GYS1: variants seen among roughly 807,000 people sequenced by gnomAD.
The protein encoded by GYS1 is glycogen [starch] synthase, muscle.
In GYS1, 60 loss-of-function variants were observed where a neutral mutation model predicts 89.1. That is an observed-to-expected ratio of 0.67 (90% CI 0.55 to 0.84). The LOEUF (loss-of-function observed/expected upper bound fraction) is 0.84, where lower values mean the gene tolerates loss of function less well. GYS1 is among the 40% of genes least tolerant of loss of function. The probability of loss-of-function intolerance (pLI) is 0.00; values close to 1 mark genes in which losing one functional copy is unlikely to be tolerated. For synonymous variants in GYS1, 366 were observed against 401.7 expected (o/e 0.91, Z 1.06); for missense variants, 888 against 1,003.1 (o/e 0.89, Z 1.55).
In GYS1 at chr19:48,982,390, A is replaced by T; in HGVS notation, c.942-15T>A. ...AGTCCAGATGCCTAAAGAACCCACA[A>T]GGCACGGTAAAGCCCAAAGCCCTCA... On this transcript the variant is annotated splice_polypyrimidine_tract_variant and intron_variant, in intron 6 of 15. Transcript: ENST00000323798. 6.2e-7 allele frequency: 1 copy of T among 1,613,678 alleles called. No homozygotes were observed. The highest frequency in any genetic ancestry group is 8.5e-7 in the Non-Finnish European group (1 of 1,179,788).
chr19:48,985,351 G>T, intron 5 of GYS1, 110 bp downstream of exon 5: 2 of 1,146,668 alleles, frequency 1.7e-6, no homozygotes, highest in Non-Finnish European at 1.3e-6. Context: ...TACGTTTTCG[G>T]TTTATGCTAT....
chr19:48,974,159 G>A lies in GYS1; in HGVS notation c.1549+54C>T. On this transcript the variant is annotated intron_variant, in intron 12 of 15. Coordinates refer to ENST00000323798, the MANE Select transcript of GYS1 (RefSeq NM_002103.5). The stretch of plus-strand genomic sequence containing the variant: ...AGGCCAGTGCCTCGCCCCAAGACAT[G>A]CTAGCTCTGACTAGGATGCCATGAC... 2 of 1,546,554 alleles carry A rather than the reference G, an allele frequency of 1.3e-6. 1 individual carries two copies. The highest frequency in any genetic ancestry group is 4.8e-5 in the East Asian group (2 of 41,402).
Position 48,987,418 on chromosome 19 carries a change from G to A in GYS1, c.301-33C>T, listed in dbSNP as rs572326569. 86 of 1,516,200 alleles carry A rather than the reference G, an allele frequency of 5.7e-5. No homozygotes were observed. In the South Asian group the frequency reaches 6.5e-4, roughly 12 times the overall value. The allele number at this position is 1,516,200 out of a possible 1,614,324, so 93.9% of individuals were successfully genotyped here. A position where few individuals can be genotyped will look rare whatever the true frequency, so the allele number is the denominator to read the frequency against. On this transcript the variant is annotated intron_variant, in intron 2 of 15. Coordinates refer to ENST00000323798, the MANE Select transcript of GYS1 (RefSeq NM_002103.5). ...GGGGTTGGGGAGGCACCATAGGGAG[G>A]CTCTGGGCTTCAGCCTCATATCTTC...
intron 10 of GYS1, among the ~76,000 whole-genome samples, chr19:48,977,121 G>T (rs2122488085): frequency 6.6e-6 from 1 of 151,892 alleles, no homozygotes; most frequent in African/African-American, 2.4e-5. Context: ...TGGGTGGGGG[G>T]CTAGTGTGGG....
intron 8 of GYS1, among the ~76,000 whole-genome samples, chr19:48,979,843 C>T (rs1165635018): frequency 1.3e-5 from 2 of 151,606 alleles, no homozygotes. Context: ...GACGGGGTTT[C>T]ACCATGTTGG....
rs2038933568 is a variant in GYS1 at position 48,991,758 on chromosome 19, A to G, written c.119-275T>C. Reference sequence around the variant, plus strand: ...GGCTCAGGCTAGACTTCTGGGTCTGAGAGAGAAGGGGCTGGGTGCCGGGAC... The same window carrying G: ...GGCTCAGGCTAGACTTCTGGGTCTGGGAGAGAAGGGGCTGGGTGCCGGGAC... On this transcript the variant is annotated intron_variant, in intron 1 of 15. Coordinates refer to ENST00000323798, the MANE Select transcript of GYS1 (RefSeq NM_002103.5). The surrounding 1 kb of genome is among the most constrained non-coding windows in gnomAD (Gnocchi z 4.7). 6.6e-6 allele frequency among the ~76,000 whole-genome samples: 1 copy of G among 152,018 alleles called. No homozygotes were observed. Among genetic ancestry groups the G allele is most frequent in the African/African-American group, 2.4e-5 (1 of 41,370 alleles).
At position 48,991,665 on chromosome 19, in the gene GYS1, G is replaced by A; in HGVS notation, c.119-182C>T. 3 of 640,896 alleles carry A rather than the reference G, an allele frequency of 4.7e-6. No homozygotes were observed. Among genetic ancestry groups the A allele is most frequent in the Non-Finnish European group, 8.2e-6 (3 of 366,820 alleles). The allele number at this position is 640,896 out of a possible 1,614,324, so 39.7% of individuals were successfully genotyped here. Reference sequence around the variant, plus strand: ...GAAGCTTGGATGAGGGGAACACGAGGGCTGGAGGGCAGTCCTCCTGGGTCT... The same window carrying A: ...GAAGCTTGGATGAGGGGAACACGAGAGCTGGAGGGCAGTCCTCCTGGGTCT... On this transcript the variant is annotated intron_variant, in intron 1 of 15. Transcript: ENST00000323798. This position sits in a 1 kb window ranked among gnomAD's most constrained non-coding sequence, Gnocchi z 4.7.
chr19:48,974,520 T>C, intron 11 of GYS1, 100 bp downstream of exon 11: 1 of 1,029,880 alleles, frequency 9.7e-7, no homozygotes, highest in Non-Finnish European at 1.5e-6. Flanking sequence ...ACCACAGCAA[T>C]ACCTTTGATA....
Position 48,981,512 on chromosome 19 carries a change from G to A in GYS1, c.1169+18C>T, listed in dbSNP as rs745793191. 17 of 1,426,448 alleles carry A rather than the reference G, an allele frequency of 1.2e-5. No individual in the cohort carries two copies. The highest frequency in any genetic ancestry group is 8.4e-5 in the African/African-American group (6 of 71,468). 88.4% of individuals were successfully genotyped at this position (1,426,448 alleles called of 1,614,324 possible). On this transcript the variant is annotated intron_variant, in intron 8 of 15. Transcript: ENST00000323798. Reference sequence around the variant, plus strand: ...CTGGGAGTGGGCTGCGCCAGGGGCCGGAGCGAGGGCTGCTAACCAAAGCTG... The same window carrying A: ...CTGGGAGTGGGCTGCGCCAGGGGCCAGAGCGAGGGCTGCTAACCAAAGCTG...
chr19:48,992,865 C>T, intron 1 of GYS1, 130 bp downstream of exon 1: 1 of 707,966 alleles, frequency 1.4e-6, no homozygotes, highest in African/African-American at 1.8e-5. Context: ...AGCCCCTCCT[C>T]AAGGACACAG....
intron 10 of GYS1, among the ~76,000 whole-genome samples, 168 bp downstream of exon 10, chr19:48,977,756 G>A (rs1398321268): frequency 6.6e-6 from 1 of 152,018 alleles, no homozygotes; most frequent in East Asian, 1.9e-4. Context: ...AACTGAAGTT[G>A]CACGAGTCAG....
rs886054564 is a variant in GYS1 at position 48,968,244 on chromosome 19, A to G, written c.*1044T>C. 6.6e-6 allele frequency: 3 copies of G among 454,102 alleles called. No individual in the cohort carries two copies. Among genetic ancestry groups the G allele is most frequent in the African/African-American group, 6.0e-5 (3 of 49,974 alleles). 28.1% of individuals were successfully genotyped at this position (454,102 alleles called of 1,614,324 possible). ...GCGGTGCAGACACAGCACAGCACAC[A>G]TGAGGGGCCCTCCCTTTCACCAAAG... On this transcript the variant is annotated 3_prime_UTR_variant, in exon 16 of 16. Transcript: ENST00000323798.
Position 48,977,945 on chromosome 19 carries a change from C to T in GYS1, c.1287G>A (p.Lys429=), listed in dbSNP as rs374232414. The change falls in exon 10 of 16, where the codon AAG becomes AAA. Residue 429 remains lysine, a synonymous_variant. Transcript: ENST00000323798. ...MLDKEDFTMM[K]RAIFATQRQS... is the part of the protein sequence containing the mutation. ...ATACCTGCGTTGCAAAGATGGCTCT[C>T]TTCATCATAGTGAAGTCTTCCTTAT... 2.5e-6 allele frequency: 4 copies of T among 1,613,870 alleles called. No homozygotes were observed. In the African/African-American group the frequency reaches 5.3e-5, roughly 22 times the overall value.
At chr19:48,981,698 C>A in intron 7 of GYS1, 62 bp from the exon 8 acceptor site, 1 of 1,074,652 alleles carries the variant, frequency 9.3e-7, no homozygotes. Flanking sequence ...AACCAGCCAG[C>A]CTTTCTGTCA....
intron 7 of GYS1, 36 bp downstream of exon 7, chr19:48,982,219 C>A: frequency 6.2e-7 from 1 of 1,609,866 alleles, no homozygotes; most frequent in Non-Finnish European, 8.5e-7. Flanking sequence ...AACTGCTTTG[C>A]TTGCCCTCCC....
chr19:48,989,481 G>GGA (rs1555800044), intron 2 of GYS1, among the ~76,000 whole-genome samples: 25 of 127,874 alleles, frequency 2.0e-4, no homozygotes, highest in African/African-American at 5.6e-4. Flanking sequence ...GATTCTATCT[G>GGA]AAAAAAAAAA....
Position 48,969,473 on chromosome 19 carries a change from CAT to C in GYS1, c.2027_2028del (p.Asp676GlyfsTer61), listed in dbSNP as rs2038518269. 5 of 1,545,132 alleles carry C rather than the reference CAT, an allele frequency of 3.2e-6. No individual in the cohort carries two copies. The highest frequency in any genetic ancestry group is 3.5e-6 in the Non-Finnish European group (4 of 1,146,912). On this transcript the variant is annotated frameshift_variant, in exon 16 of 16. Transcript: ENST00000323798. LOFTEE classifies it high-confidence loss of function. The stretch of plus-strand genomic sequence containing the variant: ...CGGTCCTTGGCGGCCTCCTCGTCCT[CAT>C]CGTAGCGCTCGCCGTCTTCCTCCAG... ...GPLEEDGERY[D>X]EDEEAAKDRR...
chr19:48,986,747 T>A (rs865953809), intron 3 of GYS1, among the ~76,000 whole-genome samples: 1 of 152,090 alleles, frequency 6.6e-6, no homozygotes, highest in South Asian at 2.1e-4. Flanking sequence ...TCTTCCCCCA[T>A]CGGCCTCCCA....
chr19:48,970,202 G>A lies in GYS1; in HGVS notation c.1809+344C>T, dbSNP rs758750236. On this transcript the variant is annotated intron_variant, in intron 14 of 15. Transcript: ENST00000323798. ...GCAGTGGGTTTGAACAAGGCTCACT[G>A]CAGCCTCAACCTCCGGGGCTCAAGC... 279 of 459,746 alleles carry A rather than the reference G, an allele frequency of 6.1e-4. 1 individual carries two copies. The highest frequency in any genetic ancestry group is 1.0e-3 in the Non-Finnish European group (255 of 253,018). The allele number at this position is 459,746 out of a possible 1,614,324, so 28.5% of individuals were successfully genotyped here.
Sources: allele counts gnomAD v4.1 joint callset (sites outside exome capture counted in the v4.1 genomes callset), GRCh38; gene constraint gnomAD v4.1.1; non-coding constraint Gnocchi (gnomAD v3.1); transcripts MANE v1.5; gene names NCBI Gene and HGNC (gene_info 2026-07-23, HGNC 2026-07-21).